Variants in TAFA2 observed in about 807,000 individuals in gnomAD.
The protein encoded by TAFA2 is TAFA chemokine like family member 2, also known as chemokine-like protein TAFA-2.
A neutral mutation model predicts 18.8 loss-of-function variants in TAFA2; 7 were observed. That is an observed-to-expected ratio of 0.37 (90% confidence interval 0.21 to 0.70). The LOEUF (loss-of-function observed/expected upper bound fraction) is 0.70. Ranked by LOEUF, TAFA2 falls within the 30% of genes least tolerant of loss-of-function variation. TAFA2 has a pLI of 0.53. For missense variants in TAFA2, 122 were observed against 158.1 expected (o/e 0.77, Z 1.23); for synonymous variants, 60 against 54.2 (o/e 1.11, Z -0.47).
At chr12:61,741,546 A>G (rs1268851304) in intron 4 of TAFA2, among the ~76,000 whole-genome samples, 1 of 152,132 alleles carries the variant, frequency 6.6e-6, no homozygotes, top group Non-Finnish European at 1.5e-5. Flanking sequence ...GAGACAAATT[A>G]TAGGTAAATT....
intron 1 of TAFA2, among the ~76,000 whole-genome samples, chr12:62,002,130 G>A (rs921088457): frequency 6.6e-6 from 1 of 152,136 alleles, no homozygotes; most frequent in African/African-American, 2.4e-5. Flanking sequence ...GAAGGTCACT[G>A]CAATTAGGTC....
intron 1 of TAFA2, among the ~76,000 whole-genome samples, chr12:61,909,023 C>T (rs907692794): frequency 6.6e-6 from 1 of 152,176 alleles, no homozygotes; most frequent in African/African-American, 2.4e-5. Context: ...GCCTGCACTT[C>T]ACTGTCGGAC....
At chr12:61,962,772 T>TA (rs1309723903) in intron 1 of TAFA2, among the ~76,000 whole-genome samples, 19 of 152,034 alleles carry the variant, frequency 1.2e-4, no homozygotes, top group African/African-American at 4.1e-4. Flanking sequence ...TATTGTACTT[T>TA]AAGTTCTGGG....
chr12:61,749,341 C>T (rs947739346), intron 4 of TAFA2, among the ~76,000 whole-genome samples: 11 of 152,134 alleles, frequency 7.2e-5, no homozygotes, highest in Admixed American at 2.6e-4. Context: ...CAATGGCATA[C>T]TCCTTGTGGG....
intron 4 of TAFA2, among the ~76,000 whole-genome samples, chr12:61,749,120 A>C (rs1361472829): frequency 6.6e-6 from 1 of 151,710 alleles, no homozygotes; most frequent in African/African-American, 2.4e-5. Context: ...AAAAAAAAAA[A>C]AAAATAGCTG....
At chr12:62,059,137 A>ATGTGTGTGTGTGTGTG (rs779755647) in intron 1 of TAFA2, among the ~76,000 whole-genome samples, 1,395 of 43,406 alleles carry the variant, frequency 0.032, 16 homozygotes, top group Middle Eastern at 0.056. Flanking sequence ...ATATGTGTGT[A>ATGTGTGTGTGTGTGTG]TATGTGTGTG....
intron 1 of TAFA2, among the ~76,000 whole-genome samples, chr12:61,951,209 C>T (rs1242833694): frequency 2.6e-5 from 4 of 152,162 alleles, no homozygotes; most frequent in African/African-American, 7.2e-5. Flanking sequence ...CAGTCTCACA[C>T]GTGGATTTTT....
intron 4 of TAFA2, among the ~76,000 whole-genome samples, chr12:61,748,992 G>A (rs761017595): frequency 6.6e-6 from 1 of 151,936 alleles, no homozygotes; most frequent in African/African-American, 2.4e-5. Flanking sequence ...GTGGTTGGGT[G>A]TGGTCGCTCA....
chr12:61,947,513 T>C (rs1878319288), intron 1 of TAFA2, among the ~76,000 whole-genome samples: 2 of 152,154 alleles, frequency 1.3e-5, no homozygotes, highest in Non-Finnish European at 2.9e-5. Flanking sequence ...ATTCGTTTTA[T>C]CTCAAGCTTC....
intron 2 of TAFA2, among the ~76,000 whole-genome samples, chr12:61,840,010 C>T (rs774108458): frequency 1.1e-4 from 16 of 152,014 alleles, no homozygotes; most frequent in South Asian, 2.1e-4. Flanking sequence ...TCTGGAGCCA[C>T]GAGAGTGTAC....
At chr12:61,928,213 G>A (rs1877392293) in intron 1 of TAFA2, among the ~76,000 whole-genome samples, 2 of 152,178 alleles carry the variant, frequency 1.3e-5, no homozygotes, top group African/African-American at 4.8e-5. Context: ...TATCATCAGA[G>A]TGTATAGGCA....
chr12:62,009,935 A>G (rs1428360959), intron 1 of TAFA2, among the ~76,000 whole-genome samples: 1 of 152,174 alleles, frequency 6.6e-6, no homozygotes, highest in African/African-American at 2.4e-5. Context: ...ATAATTCAAC[A>G]TTCTTTGAAA....
chr12:62,173,259 G>A (rs1206937285), intron 1 of TAFA2, among the ~76,000 whole-genome samples: 3 of 151,760 alleles, frequency 2.0e-5, no homozygotes, highest in East Asian at 1.9e-4. Flanking sequence ...CTAAAAATAC[G>A]AAAAAAATTA....
intron 1 of TAFA2, among the ~76,000 whole-genome samples, chr12:62,254,700 C>T (rs1323447640): frequency 1.3e-5 from 2 of 152,142 alleles, no homozygotes; most frequent in African/African-American, 2.4e-5. Context: ...CTAATTTGAC[C>T]TAAATCTACT....
intron 4 of TAFA2, among the ~76,000 whole-genome samples, chr12:61,736,817 G>A (rs1186305539): frequency 6.6e-6 from 1 of 151,946 alleles, no homozygotes; most frequent in Non-Finnish European, 1.5e-5. Context: ...ACTCTCTAAT[G>A]CAAGAATTTC....
At chr12:61,932,874 CT>C (rs1436678742) in intron 1 of TAFA2, among the ~76,000 whole-genome samples, 2 of 152,162 alleles carry the variant, frequency 1.3e-5, no homozygotes, top group East Asian at 3.9e-4. Context: ...GAGTTGATTC[CT>C]TAATATGTTA....
intron 1 of TAFA2, among the ~76,000 whole-genome samples, chr12:62,037,134 G>A (rs1881631474): frequency 6.6e-6 from 1 of 152,168 alleles, no homozygotes; most frequent in East Asian, 1.9e-4. Context: ...ATAATGACCA[G>A]GTAAATGTTT....
intron 2 of TAFA2, among the ~76,000 whole-genome samples, chr12:61,833,727 G>A (rs527847877): frequency 1.6e-4 from 24 of 151,072 alleles, no homozygotes; most frequent in African/African-American, 5.8e-4. Flanking sequence ...TGCTTTTGTT[G>A]TCTATAAGAA....
chr12:62,177,182 G>T (rs2062520008), intron 1 of TAFA2, among the ~76,000 whole-genome samples: 1 of 152,238 alleles, frequency 6.6e-6, no homozygotes, highest in African/African-American at 2.4e-5. Context: ...TGACAACTAT[G>T]CAGGGGCACA....
Sources: allele counts gnomAD v4.1 joint callset (sites outside exome capture counted in the v4.1 genomes callset), GRCh38; gene constraint gnomAD v4.1.1; transcripts MANE v1.5; gene names NCBI Gene and HGNC (gene_info 2026-07-23, HGNC 2026-07-21).